The following NPIPB2 variants were observed in gnomAD, a reference collection of about 807,000 sequenced individuals.
The protein encoded by NPIPB2 is nuclear pore complex interacting protein family member B2.
In NPIPB2, 27 loss-of-function variants were observed where a neutral mutation model predicts 30.8. The observed-to-expected ratio is 0.88, with a 90% CI of 0.65 to 1.21. The LOEUF (loss-of-function observed/expected upper bound fraction) is 1.21. NPIPB2 is among the 50% of genes most tolerant of loss of function. The probability of loss-of-function intolerance (pLI) is 0.00; values close to 1 mark genes in which losing one functional copy is unlikely to be tolerated. For synonymous variants in NPIPB2, 147 were observed against 162.0 expected, an observed-to-expected ratio of 0.91 and a Z score of 0.70; for missense variants, 440 against 446.2, an observed-to-expected ratio of 0.99 and a Z score of 0.13.
At chr16:11,933,910 C>T in exon 3 of NPIPB2, 2 of 1,549,916 alleles carry the variant, frequency 1.3e-6, no homozygotes, top group Non-Finnish European at 1.8e-6. Context: ...GGAAGATAGT[C>T]TTCAGGAAAG....
chr16:11,966,413 T>C, intron 1 of NPIPB2: 1 of 1,480,372 alleles, frequency 6.8e-7, no homozygotes, highest in Admixed American at 2.0e-5. Context: ...TCCTTTTCTT[T>C]TTTTAGCGTT....
chr16:11,938,490 T>C (rs1010919955), intron 1 of NPIPB2, among the ~76,000 whole-genome samples: 4 of 151,824 alleles, frequency 2.6e-5, no homozygotes, highest in African/African-American at 9.7e-5. Context: ...GACAGTGCAC[T>C]CAGCAAATTT....
At chr16:11,974,085 C>T (rs2055252604) in intron 1 of NPIPB2, among the ~76,000 whole-genome samples, 1 of 152,244 alleles carries the variant, frequency 6.6e-6, no homozygotes, top group South Asian at 2.1e-4. Context: ...GATGAAGGAA[C>T]TTCATCCTGG....
At chr16:11,933,251 T>G (rs150210008) in intron 4 of NPIPB2, among the ~76,000 whole-genome samples, 2,479 of 142,558 alleles carry the variant, frequency 0.017, 55 homozygotes, top group African/African-American at 0.063. Flanking sequence ...AAGCTCCATC[T>G]CAGGAAAAAA....
rs561401094 is a variant in NPIPB2, at chr16:11,932,511, C to T, written c.488+1006G>A. ...GCAAAAATTGGGCTGGGAACGGTGG[C>T]TCATGCCTGTAATCTCAGCACATTG... is the stretch of plus-strand genomic sequence containing the variant. On this transcript the variant is annotated intron_variant, in intron 4 of 7. Coordinates refer to ENST00000399147, the Ensembl canonical transcript of NPIPB2. Among the ~76,000 whole-genome samples the T allele has an allele frequency of 2.3e-3, 356 of 151,982 alleles. 1 individual carries two copies. Among genetic ancestry groups the T allele is most frequent in the African/African-American group, 8.2e-3 (340 of 41,426 alleles).
intron 1 of NPIPB2, among the ~76,000 whole-genome samples, chr16:11,974,460 T>C (rs973406667): frequency 5.3e-5 from 8 of 151,938 alleles, no homozygotes; most frequent in African/African-American, 1.9e-4. Context: ...GAGGTTGTAG[T>C]GAGCCGAGAT....
chr16:11,965,249 C>G, intron 1 of NPIPB2: 15 of 1,578,564 alleles, frequency 9.5e-6, no homozygotes, highest in Non-Finnish European at 1.2e-5. Flanking sequence ...TGCATTTGCT[C>G]TGGAATTCTT....
intron 1 of NPIPB2, among the ~76,000 whole-genome samples, chr16:11,941,627 C>G (rs139015766): frequency 0.31 from 47,734 of 151,572 alleles, 9,296 homozygotes; most frequent in Non-Finnish European, 0.45. Flanking sequence ...TGCTATCCAC[C>G]AAACCTTCTT....
In NPIPB2 at chr16:11,935,525, T is replaced by C. The variant is rs367575082; in HGVS notation, c.193-1601A>G. Among the ~76,000 whole-genome samples, 12 of 152,134 alleles carry C rather than the reference T, an allele frequency of 7.9e-5. 2 individuals are homozygous for C. The highest frequency in any genetic ancestry group is 7.2e-4 in the Admixed American group (11 of 15,262). On this transcript the variant is annotated intron_variant, in intron 2 of 7. Coordinates refer to ENST00000399147, the Ensembl canonical transcript of NPIPB2. The stretch of plus-strand genomic sequence containing the variant: ...GATGGGGTTTTACCATGTTGGCCCA[T>C]CTGGTCTTGAACTCCTGACCTCAGA...
intron 1 of NPIPB2, among the ~76,000 whole-genome samples, chr16:11,958,019 A>G (rs1401727078): frequency 2.0e-5 from 3 of 152,178 alleles, no homozygotes; most frequent in Non-Finnish European, 4.4e-5. Flanking sequence ...GTGTTTTTGC[A>G]AACTCTCCCC....
chr16:11,970,668 T>G (rs566221974), intron 1 of NPIPB2, among the ~76,000 whole-genome samples: 2 of 152,178 alleles, frequency 1.3e-5, no homozygotes, highest in African/African-American at 2.4e-5. Context: ...CCCGTGTAAC[T>G]GGGATTACAG....
intron 1 of NPIPB2, among the ~76,000 whole-genome samples, chr16:11,965,637 A>G (rs976728542): frequency 6.6e-6 from 1 of 152,214 alleles, no homozygotes; most frequent in Non-Finnish European, 1.5e-5. Context: ...ACTGAACTTG[A>G]TATGATTCAG....
At position 11,973,939 on chromosome 16, in the gene NPIPB2, A is replaced by G. The variant is rs183316547; in HGVS notation, c.-584+2629T>C. ...GATCCTGGAATGGAGATTATGCTGTAAACAGTTCTCTTTGGAATTTGAATG... is the reference window on the plus strand; with the variant it reads ...GATCCTGGAATGGAGATTATGCTGTGAACAGTTCTCTTTGGAATTTGAATG... On this transcript the variant is annotated intron_variant, in intron 1 of 5. Coordinates refer to the NPIPB2 transcript ENST00000538896. 3.1e-3 allele frequency among the ~76,000 whole-genome samples: 479 copies of G among 152,332 alleles called. 1 individual carries two copies. The highest frequency in any genetic ancestry group is 7.7e-3 in the Admixed American group (118 of 15,290).
exon 8 of NPIPB2, chr16:11,927,496 G>A (rs749948579): frequency 4.2e-5 from 57 of 1,355,780 alleles, no homozygotes; most frequent in Non-Finnish European, 5.2e-5. Flanking sequence ...CCACCTCAGC[G>A]GCCCTCCGCC....
intron 4 of NPIPB2, 123 bp downstream of exon 4, chr16:11,933,394 T>G (rs1596489166): frequency 7.0e-7 from 1 of 1,429,360 alleles, no homozygotes. Context: ...AAGGACAAAC[T>G]CAATTTTGAA....
chr16:11,950,642 G>A lies in NPIPB2; in HGVS notation c.-583-8528C>T, dbSNP rs550255547. Among the ~76,000 whole-genome samples the A allele has an allele frequency of 4.5e-4, 68 of 152,196 alleles. 1 individual carries two copies. The South Asian group carries it at 0.014, about 31-fold the overall frequency. On this transcript the variant is annotated intron_variant, in intron 1 of 5. Coordinates refer to the NPIPB2 transcript ENST00000538896. ...ACTCTGCCCACACATCTGTTTCCAA[G>A]CCTGGCTGTGAATAACAGTGAACAA...
chr16:11,957,695 G>A (rs2055122688), intron 1 of NPIPB2, among the ~76,000 whole-genome samples: 1 of 152,118 alleles, frequency 6.6e-6, no homozygotes, highest in Non-Finnish European at 1.5e-5. Flanking sequence ...AAGATTTCCT[G>A]AAAAAGAAGG....
intron 1 of NPIPB2, 73 bp downstream of exon 1, chr16:11,941,910 G>T (rs1229493548): frequency 1.0e-6 from 1 of 985,062 alleles, no homozygotes; most frequent in South Asian, 1.4e-5. Flanking sequence ...AGCTCCCAGG[G>T]TTCCTCAAGG....
At chr16:11,944,491 G>A (rs192937639), upstream of NPIPB2, among the ~76,000 whole-genome samples, 1 of 151,616 alleles carries the variant, frequency 6.6e-6, no homozygotes, top group South Asian at 2.1e-4. Context: ...GGCAGAGTGC[G>A]GTAGCTCACG....
Sources: gnomAD v4.1 joint callset for allele counts (sites outside exome capture counted in the v4.1 genomes callset) on GRCh38, gnomAD v4.1.1 for gene constraint, MANE v1.5 for transcripts, NCBI Gene and HGNC (gene_info 2026-07-23, HGNC 2026-07-21) for gene names.